The following UBE2E1 variants were observed in gnomAD, a reference collection of about 807,000 sequenced individuals.
UBE2E1 encodes the protein ubiquitin-conjugating enzyme E2 E1.
UBE2E1 carries 6 observed loss-of-function variants against 21.4 expected under a neutral mutation model. That is an observed-to-expected ratio of 0.28 (90% CI 0.15 to 0.55). The LOEUF (loss-of-function observed/expected upper bound fraction) is 0.55. Among genes scored for constraint, UBE2E1 ranks in the 20% least tolerant of loss-of-function variants. The pLI, the probability that UBE2E1 is intolerant of heterozygous loss-of-function variation, is 0.93. For missense variants in UBE2E1, 142 were observed against 236.5 expected (o/e 0.60, Z 2.62); for synonymous variants, 87 against 82.7 (o/e 1.05, Z -0.28).
At position 23,873,016 on chromosome 3, in the gene UBE2E1, CA is replaced by C. The variant is rs530180788; in HGVS notation, c.204-14538del. ...TGGGCAACAGAGCGAGACTCCATCTCAAAAAAAAAAAAATTAACCTAGAAGA... is the reference window on the plus strand; with the variant it reads ...TGGGCAACAGAGCGAGACTCCATCTCAAAAAAAAAAAATTAACCTAGAAGA... On this transcript the variant is annotated intron_variant, in intron 3 of 5. Transcript: ENST00000306627. Among the ~76,000 whole-genome samples the C allele has an allele frequency of 8.0e-4, 113 of 140,426 alleles. 1 individual carries two copies. Among genetic ancestry groups the C allele is most frequent in the Middle Eastern group, 3.6e-3 (1 of 278 alleles). The allele number at this position is 140,426 out of a possible 152,430, so 92.1% of individuals were successfully genotyped here.
intron 3 of UBE2E1, among the ~76,000 whole-genome samples, chr3:23,851,828 A>T (rs1469177042): frequency 1.3e-5 from 2 of 152,102 alleles, no homozygotes; most frequent in Non-Finnish European, 2.9e-5. Context: ...AGATCTGTAC[A>T]GTTTGGATGT....
intron 3 of UBE2E1, among the ~76,000 whole-genome samples, chr3:23,874,039 G>A (rs903076150): frequency 6.6e-6 from 1 of 152,228 alleles, no homozygotes; most frequent in East Asian, 1.9e-4. Context: ...CTCTGTACTT[G>A]TGTCACTTCC....
rs957869137 is a variant in UBE2E1 at position 23,808,730 on chromosome 3, C to T, written c.152+1309C>T. The T allele has an allele frequency of 6.6e-6, 1 of 152,256 alleles. No individual in the cohort carries two copies. The highest frequency in any genetic ancestry group is 2.4e-5 in the African/African-American group (1 of 41,464). The allele number at this position is 152,256 out of a possible 1,614,324, so 9.4% of individuals were successfully genotyped here. A position where few individuals can be genotyped will look rare whatever the true frequency, so the allele number is the denominator to read the frequency against. ...TTGTACAGCTTCTCAGGAGGCCTGA[C>T]TGACCCTCACTGATTAGCCCTGTGC... On this transcript the variant is annotated intron_variant, in intron 2 of 5. Transcript: ENST00000306627. The surrounding 1 kb of genome is among the most constrained non-coding windows in gnomAD (Gnocchi z 4.9).
chr3:23,889,487 G>T (rs79847958), intron 5 of UBE2E1: 195 of 1,378,674 alleles, frequency 1.4e-4, no homozygotes, highest in African/African-American at 6.1e-4. Context: ...GAAGACTGAC[G>T]TAAGTTTGCC....
At chr3:23,875,342 C>T (rs1338103842) in intron 3 of UBE2E1, among the ~76,000 whole-genome samples, 1 of 152,172 alleles carries the variant, frequency 6.6e-6, no homozygotes. Context: ...GTGCCAAGTC[C>T]TGTAGTATGT....
At chr3:23,885,841 C>T (rs1238606163) in intron 3 of UBE2E1, among the ~76,000 whole-genome samples, 1 of 152,050 alleles carries the variant, frequency 6.6e-6, no homozygotes, top group African/African-American at 2.4e-5. Context: ...GCCTGGGCAA[C>T]AAGAGCAAAA....
intron 3 of UBE2E1, among the ~76,000 whole-genome samples, chr3:23,884,817 C>T (rs964504610): frequency 2.0e-5 from 3 of 152,150 alleles, no homozygotes; most frequent in African/African-American, 7.2e-5. Context: ...GGCCTTGGTT[C>T]CTCATCTGTA....
At chr3:23,889,927 T>TAC (rs1701328191) in intron 5 of UBE2E1, 1 of 156,158 alleles carries the variant, frequency 6.4e-6, no homozygotes, top group South Asian at 2.1e-4. Flanking sequence ...TATGTATATA[T>TAC]ATACACACAC....
chr3:23,831,017 G>A lies in UBE2E1; in HGVS notation c.203+19507G>A, dbSNP rs527403150. 5.3e-5 allele frequency among the ~76,000 whole-genome samples: 8 copies of A among 152,316 alleles called. No individual in the cohort carries two copies. In the South Asian group the frequency reaches 1.7e-3, roughly 32 times the overall value. On this transcript the variant is annotated intron_variant, in intron 3 of 5. Coordinates refer to ENST00000306627, the MANE Select transcript of UBE2E1 (RefSeq NM_003341.5). ...AAGTGGAGAAGCCAGAAGAACCCAC[G>A]TGATCTGGCTTCAGGGCCGATACTC...
intron 3 of UBE2E1, among the ~76,000 whole-genome samples, chr3:23,820,997 CAGCATT>C (rs1699631654): frequency 6.6e-6 from 1 of 152,154 alleles, no homozygotes; most frequent in Non-Finnish European, 1.5e-5. Context: ...CTCAAAAAGT[CAGCATT>C]ATTATGAAGC....
chr3:23,838,410 T>A (rs1268970548), intron 3 of UBE2E1, among the ~76,000 whole-genome samples: 3 of 152,208 alleles, frequency 2.0e-5, no homozygotes, highest in Non-Finnish European at 4.4e-5. Context: ...CTTGCTTGTT[T>A]TTCCAATCTG....
At position 23,890,714 on chromosome 3, in the gene UBE2E1, A is replaced by G. The variant is rs1701392825; in HGVS notation, c.*108A>G. 1.1e-6 allele frequency: 1 copy of G among 924,614 alleles called. No homozygotes were observed. The highest frequency in any genetic ancestry group is 1.6e-6 in the Non-Finnish European group (1 of 642,124). 57.3% of individuals were successfully genotyped at this position (924,614 alleles called of 1,614,324 possible). A position where few individuals can be genotyped will look rare whatever the true frequency, so the allele number is the denominator to read the frequency against. On this transcript the variant is annotated 3_prime_UTR_variant, in exon 6 of 6. Coordinates refer to ENST00000306627, the MANE Select transcript of UBE2E1 (RefSeq NM_003341.5). The stretch of plus-strand genomic sequence containing the variant: ...AGTTGGTAAAGAGTAGGGTATTTCT[A>G]TAACAGATATTATTCAGTCTTATTT...
intron 3 of UBE2E1, among the ~76,000 whole-genome samples, chr3:23,883,686 G>T (rs1256916782): frequency 1.3e-5 from 2 of 152,116 alleles, no homozygotes; most frequent in African/African-American, 4.8e-5. Context: ...GGCAGGCTGA[G>T]GCAGTCGGAT....
Position 23,851,364 on chromosome 3 carries a change from A to G in UBE2E1, c.204-36203A>G, listed in dbSNP as rs78047048. Reference sequence around the variant, plus strand: ...CGTTCTTTTTAAAGATTGTTTGGCTATTCTATGTTCCTTGCATTTCCATAT... The same window carrying G: ...CGTTCTTTTTAAAGATTGTTTGGCTGTTCTATGTTCCTTGCATTTCCATAT... On this transcript the variant is annotated intron_variant, in intron 3 of 5. Coordinates refer to ENST00000306627, the MANE Select transcript of UBE2E1 (RefSeq NM_003341.5). Among the ~76,000 whole-genome samples the G allele has an allele frequency of 4.6e-3, 697 of 152,276 alleles. 10 individuals are homozygous for G. The highest frequency in any genetic ancestry group is 0.016 in the African/African-American group (652 of 41,544).
rs1207096245 is a variant in UBE2E1, at chr3:23,863,032, G to T, written c.204-24535G>T. 2.1e-5 allele frequency among the ~76,000 whole-genome samples: 3 copies of T among 144,750 alleles called. No individual in the cohort carries two copies. Among genetic ancestry groups the T allele is most frequent in the Admixed American group, 7.1e-5 (1 of 14,078 alleles). The allele number at this position is 144,750 out of a possible 152,430, so 95.0% of individuals were successfully genotyped here. ...AATTATACACTAACATAGTTTAAAG[G>T]CTTTAATATTTCTTTGTTTGTTAAA... is the stretch of plus-strand genomic sequence containing the variant. On this transcript the variant is annotated intron_variant, in intron 3 of 5. Coordinates refer to ENST00000306627, the MANE Select transcript of UBE2E1 (RefSeq NM_003341.5). The surrounding 1 kb of genome is among the most constrained non-coding windows in gnomAD (Gnocchi z 4.3).
At position 23,810,076 on chromosome 3, in the gene UBE2E1, C is replaced by A. The variant is rs1164280096; in HGVS notation, c.153-1384C>A. Among the ~76,000 whole-genome samples, 5 of 152,212 alleles carry A rather than the reference C, an allele frequency of 3.3e-5. No individual in the cohort carries two copies. Among genetic ancestry groups the A allele is most frequent in the African/African-American group, 9.7e-5 (4 of 41,450 alleles). ...TCCTCATTACATATAGCTCGTCCGTCCTCCTACCCGCAGAAAACCTTTGGA... is the reference window on the plus strand; with the variant it reads ...TCCTCATTACATATAGCTCGTCCGTACTCCTACCCGCAGAAAACCTTTGGA... On this transcript the variant is annotated intron_variant, in intron 2 of 5. Coordinates refer to ENST00000306627, the MANE Select transcript of UBE2E1 (RefSeq NM_003341.5). This position sits in a 1 kb window ranked among gnomAD's most constrained non-coding sequence, Gnocchi z 5.8.
intron 3 of UBE2E1, among the ~76,000 whole-genome samples, chr3:23,817,872 A>G (rs749332219): frequency 4.2e-4 from 64 of 152,204 alleles, no homozygotes; most frequent in Admixed American, 8.5e-4. Flanking sequence ...AAATTTTATT[A>G]TGTAGATGCT....
chr3:23,877,862 A>C (rs1700948483), intron 3 of UBE2E1, among the ~76,000 whole-genome samples: 1 of 152,174 alleles, frequency 6.6e-6, no homozygotes, highest in African/African-American at 2.4e-5. Context: ...TTGTACTATG[A>C]GATAATATCA....
chr3:23,854,248 A>G (rs1700389165), intron 3 of UBE2E1, among the ~76,000 whole-genome samples: 7 of 151,860 alleles, frequency 4.6e-5, no homozygotes, highest in Admixed American at 4.6e-4. Context: ...AGTCTCAAAA[A>G]AAAAAAAAAA....
Sources: allele counts gnomAD v4.1 joint callset (sites outside exome capture counted in the v4.1 genomes callset), GRCh38; gene constraint gnomAD v4.1.1; non-coding constraint Gnocchi (gnomAD v3.1); transcripts MANE v1.5; gene names NCBI Gene and HGNC (gene_info 2026-07-23, HGNC 2026-07-21).